The following EDAR variants were observed in gnomAD, a reference collection of about 807,000 sequenced individuals.
The protein encoded by EDAR is ectodysplasin A receptor.
A neutral mutation model predicts 51.3 loss-of-function variants in EDAR; 38 were observed. The observed-to-expected ratio is 0.74, with a 90% CI of 0.57 to 0.97. EDAR has a LOEUF of 0.97. Among genes scored for constraint, EDAR ranks in the 50% least tolerant of loss-of-function variants. The pLI is 0.00. For missense variants in EDAR, 528 were observed against 595.0 expected (o/e 0.89, Z 1.17); for synonymous variants, 227 against 242.1 (o/e 0.94, Z 0.58).
At chr2:108,927,004 G>A (rs1237484842) in intron 4 of EDAR, among the ~76,000 whole-genome samples, 1 of 152,232 alleles carries the variant, frequency 6.6e-6, no homozygotes, top group East Asian at 1.9e-4. Context: ...AGAGGGGGCA[G>A]CATGAGCCCC....
chr2:108,974,156 C>G (rs190972905), intron 1 of EDAR, among the ~76,000 whole-genome samples: 14 of 150,902 alleles, frequency 9.3e-5, no homozygotes, highest in Admixed American at 5.3e-4. Context: ...GGTGAAACCC[C>G]GTCTCTACTA....
At chr2:108,942,996 C>T (rs17034628) in intron 1 of EDAR, among the ~76,000 whole-genome samples, 4,484 of 152,288 alleles carry the variant, frequency 0.029, 120 homozygotes, top group African/African-American at 0.074. Flanking sequence ...GCACAGATGG[C>T]GTTTCACCGG....
intron 1 of EDAR, among the ~76,000 whole-genome samples, chr2:108,957,020 C>A (rs183422305): frequency 6.6e-6 from 1 of 152,224 alleles, no homozygotes; most frequent in African/African-American, 2.4e-5. Flanking sequence ...AAACTCCCGA[C>A]CTCAGGTGAT....
In EDAR at chr2:108,975,087, C is replaced by T. The variant is rs1291474921; in HGVS notation, c.-19+13873G>A. On this transcript the variant is annotated intron_variant, in intron 1 of 11. Transcript: ENST00000258443. ...TCTGCTTTTCCACGGAGCCTAGCCC[C>T]AAGTGCCACCTGGGGCGAGTGCAGC... Among the ~76,000 whole-genome samples, 3 of 152,188 alleles carry T rather than the reference C, an allele frequency of 2.0e-5. No homozygotes were observed. In the East Asian group the frequency reaches 5.8e-4, roughly 29 times the overall value.
chr2:108,970,445 C>T (rs929794571), intron 1 of EDAR, among the ~76,000 whole-genome samples: 4 of 152,116 alleles, frequency 2.6e-5, no homozygotes, highest in African/African-American at 7.2e-5. Context: ...TGAGGAGGAT[C>T]CTGACATTGC....
chr2:108,945,211 G>C (rs921986370), intron 1 of EDAR, among the ~76,000 whole-genome samples: 5 of 152,162 alleles, frequency 3.3e-5, no homozygotes, highest in African/African-American at 1.2e-4. Flanking sequence ...CGAGCTCCCC[G>C]TCCTGGGGCA....
intron 1 of EDAR, among the ~76,000 whole-genome samples, chr2:108,959,325 T>C (rs185040078): frequency 3.3e-5 from 5 of 152,250 alleles, no homozygotes; most frequent in Admixed American, 1.3e-4. Flanking sequence ...GATGACCTGG[T>C]GTTGGAGATT....
chr2:108,943,769 C>T (rs1697656072), intron 1 of EDAR, among the ~76,000 whole-genome samples: 1 of 152,108 alleles, frequency 6.6e-6, no homozygotes, highest in Admixed American at 6.5e-5. Flanking sequence ...AGCACCCCTC[C>T]TTTCTCCAGG....
chr2:108,973,448 C>G (rs1162530134), intron 1 of EDAR, among the ~76,000 whole-genome samples: 3 of 152,200 alleles, frequency 2.0e-5, no homozygotes, highest in Non-Finnish European at 4.4e-5. Flanking sequence ...CTGGCTGCCT[C>G]CTGCCTTCAT....
intron 1 of EDAR, among the ~76,000 whole-genome samples, chr2:108,964,555 T>C (rs1368332741): frequency 6.6e-6 from 1 of 152,056 alleles, no homozygotes; most frequent in Non-Finnish European, 1.5e-5. Context: ...CAAACCACAG[T>C]CACCAGTGAC....
chr2:108,986,543 G>A (rs1209751403), intron 1 of EDAR, among the ~76,000 whole-genome samples: 2 of 152,132 alleles, frequency 1.3e-5, no homozygotes, highest in Non-Finnish European at 2.9e-5. Context: ...CGAGGCCTGG[G>A]CATACTGAGT....
intron 1 of EDAR, among the ~76,000 whole-genome samples, chr2:108,976,752 AG>A (rs1698329116): frequency 6.6e-6 from 1 of 151,822 alleles, no homozygotes; most frequent in Non-Finnish European, 1.5e-5. Flanking sequence ...GGTGACTGGG[AG>A]CTCTTTTAGT....
intron 11 of EDAR, among the ~76,000 whole-genome samples, chr2:108,899,978 T>A (rs1696669063): frequency 6.6e-6 from 1 of 151,970 alleles, no homozygotes; most frequent in South Asian, 2.1e-4. Flanking sequence ...AGAGTAAAAC[T>A]CCATGTCAAA....
intron 10 of EDAR, among the ~76,000 whole-genome samples, chr2:108,907,372 G>A (rs575769865): frequency 1.2e-4 from 18 of 152,258 alleles, no homozygotes; most frequent in African/African-American, 4.1e-4. Flanking sequence ...GTGGCTGGGC[G>A]TGGTAGCTCA....
chr2:108,936,316 C>A (rs1234458663), intron 1 of EDAR, among the ~76,000 whole-genome samples: 2 of 152,252 alleles, frequency 1.3e-5, no homozygotes, highest in Non-Finnish European at 2.9e-5. Context: ...GCTTACCTGG[C>A]CTGGCCCAGC....
intron 1 of EDAR, among the ~76,000 whole-genome samples, chr2:108,954,926 C>T (rs905032637): frequency 6.6e-6 from 1 of 152,080 alleles, no homozygotes; most frequent in Non-Finnish European, 1.5e-5. Context: ...TCAGGTGATC[C>T]GTCTGCCTCA....
chr2:108,972,051 G>A (rs916959458), intron 1 of EDAR, among the ~76,000 whole-genome samples: 10 of 152,178 alleles, frequency 6.6e-5, no homozygotes, highest in Admixed American at 2.6e-4. Flanking sequence ...GGCCTGGCCC[G>A]CAGATGTTGC....
In EDAR at chr2:108,923,375, G is replaced by A. The variant is rs761525478; in HGVS notation, c.435C>T (p.Thr145=). 7.4e-6 allele frequency: 12 copies of A among 1,613,986 alleles called. No individual in the cohort carries two copies. The East Asian group carries it at 2.7e-4, about 36-fold the overall frequency. The part of the protein sequence containing the change: ...CYSCLLAPPN[T]KECVGATSGA... Reference sequence around the variant, plus strand: ...AAGGACAAAGACACTCACATTCCTTGGTGTTGGGGGGTGCCAGGAGGCAGG... The same window carrying A: ...AAGGACAAAGACACTCACATTCCTTAGTGTTGGGGGGTGCCAGGAGGCAGG... The change falls in exon 5 of 12, where the codon ACC becomes ACT. Residue 145 remains threonine, a synonymous_variant. Transcript: ENST00000258443.
At chr2:108,952,284 G>A (rs1185986416) in intron 1 of EDAR, among the ~76,000 whole-genome samples, 1 of 152,178 alleles carries the variant, frequency 6.6e-6, no homozygotes, top group Non-Finnish European at 1.5e-5. Flanking sequence ...ATGTGAAGGG[G>A]ACTGGGAGAT....
Sources: allele counts gnomAD v4.1 joint callset (sites outside exome capture counted in the v4.1 genomes callset), GRCh38; gene constraint gnomAD v4.1.1; transcripts MANE v1.5; gene names NCBI Gene and HGNC (gene_info 2026-07-23, HGNC 2026-07-21).